The following SUSD1 variants were observed in gnomAD, a reference collection of about 807,000 sequenced individuals.
SUSD1 encodes the protein sushi domain containing 1, also known as sushi domain-containing protein 1.
In SUSD1, 65 loss-of-function variants were observed where a neutral mutation model predicts 86.9. The observed-to-expected ratio is 0.75, with a 90% CI of 0.61 to 0.92. SUSD1 has a LOEUF of 0.92. Ranked by LOEUF, SUSD1 falls within the 40% of genes least tolerant of loss-of-function variation. The probability of loss-of-function intolerance (pLI) is 0.00; values close to 1 mark genes in which losing one functional copy is unlikely to be tolerated. For missense variants in SUSD1, 850 were observed against 929.7 expected (o/e 0.91, Z 1.11); for synonymous variants, 346 against 350.0 (o/e 0.99, Z 0.13).
chr9:112,157,455 T>A (rs770707504), intron 2 of SUSD1, 45 bp downstream of exon 2: 1 of 1,361,776 alleles, frequency 7.3e-7, no homozygotes, highest in Admixed American at 1.8e-5. Context: ...GAGAATCTTG[T>A]TTCTCGATTC....
At chr9:112,041,755 C>T in intron 16 of SUSD1, 112 bp downstream of exon 16, 1 of 1,056,568 alleles carries the variant, frequency 9.5e-7, no homozygotes, top group African/African-American at 1.6e-5. Flanking sequence ...GAGCCAAGGA[C>T]AACCTCCACC....
At chr9:112,107,096 CTT>C (rs1830875777) in intron 8 of SUSD1, among the ~76,000 whole-genome samples, 1 of 151,528 alleles carries the variant, frequency 6.6e-6, no homozygotes, top group Non-Finnish European at 1.5e-5. Flanking sequence ...GAGACCTTGT[CTT>C]TACAAAATGA....
chr9:112,147,245 G>A (rs1020634389), intron 3 of SUSD1, among the ~76,000 whole-genome samples: 2 of 152,194 alleles, frequency 1.3e-5, no homozygotes, highest in Non-Finnish European at 2.9e-5. Flanking sequence ...GGTGGCTCAC[G>A]TCTGTAATCC....
intron 4 of SUSD1, 152 bp downstream of exon 4, chr9:112,143,319 T>G: frequency 2.8e-6 from 2 of 717,420 alleles, no homozygotes; most frequent in Non-Finnish European, 4.3e-6. Flanking sequence ...TGTAACTTGA[T>G]TGTTGTTATT....
intron 5 of SUSD1, among the ~76,000 whole-genome samples, chr9:112,138,546 C>T (rs1832419499): frequency 2.0e-5 from 3 of 150,938 alleles, no homozygotes; most frequent in Non-Finnish European, 4.4e-5. Flanking sequence ...GCAACCTCCA[C>T]CTCCCAATTC....
At chr9:112,163,446 C>T (rs560685237) in intron 1 of SUSD1, among the ~76,000 whole-genome samples, 9 of 150,492 alleles carry the variant, frequency 6.0e-5, no homozygotes, top group Non-Finnish European at 1.3e-4. Flanking sequence ...GCCTGATCAA[C>T]ATAGCAAGAC....
intron 6 of SUSD1, among the ~76,000 whole-genome samples, chr9:112,114,904 C>T (rs571681632): frequency 8.5e-5 from 13 of 152,214 alleles, no homozygotes; most frequent in Non-Finnish European, 1.9e-4. Flanking sequence ...TGTGGTAATG[C>T]CCACCCTCTG....
At chr9:112,126,905 G>C (rs1323223880) in intron 5 of SUSD1, among the ~76,000 whole-genome samples, 2 of 152,110 alleles carry the variant, frequency 1.3e-5, no homozygotes, top group Non-Finnish European at 2.9e-5. Flanking sequence ...AGGATCCTAA[G>C]TATAAAGCAT....
At chr9:112,138,463 C>CTTT (rs1320715477) in intron 5 of SUSD1, among the ~76,000 whole-genome samples, 1 of 139,246 alleles carries the variant, frequency 7.2e-6, no homozygotes, top group African/African-American at 2.6e-5. Flanking sequence ...AATAAATATT[C>CTTT]TTTTTTTTTT....
chr9:112,052,394 T>C lies in SUSD1; in HGVS notation c.2149+5A>G. The C allele has an allele frequency of 6.2e-7, 1 of 1,613,944 alleles. No homozygotes were observed. The highest frequency in any genetic ancestry group is 8.5e-7 in the Non-Finnish European group (1 of 1,179,982). On this transcript the variant is annotated splice_donor_5th_base_variant and intron_variant, in intron 15 of 16. Coordinates refer to ENST00000374270, the MANE Select transcript of SUSD1 (RefSeq NM_022486.5). ...ACAGCATTCATAGGCAGAAAATAAT[T>C]TTACCTTTCACCTGAGCCCAAACTG...
chr9:112,141,717 A>C (rs1832573583), intron 5 of SUSD1, among the ~76,000 whole-genome samples: 1 of 144,334 alleles, frequency 6.9e-6, no homozygotes, highest in East Asian at 1.9e-4. Context: ...AATATATTAC[A>C]TGTAATGTAT....
At chr9:112,125,934 A>G (rs1831755456) in intron 5 of SUSD1, among the ~76,000 whole-genome samples, 1 of 152,050 alleles carries the variant, frequency 6.6e-6, no homozygotes, top group Non-Finnish European at 1.5e-5. Flanking sequence ...CTAATTTCCA[A>G]CCCTGTCTAT....
chr9:112,130,705 A>G (rs1002269002), intron 5 of SUSD1, among the ~76,000 whole-genome samples: 1 of 152,042 alleles, frequency 6.6e-6, no homozygotes, highest in Admixed American at 6.6e-5. Flanking sequence ...CCAGATATAC[A>G]CTACCTTATT....
At chr9:112,080,526 A>G (rs185600080) in intron 10 of SUSD1, among the ~76,000 whole-genome samples, 1 of 152,132 alleles carries the variant, frequency 6.6e-6, no homozygotes, top group Admixed American at 6.5e-5. Context: ...CATCTCTACT[A>G]AAAATACAAA....
chr9:112,070,974 G>A (rs1365521562), intron 12 of SUSD1, among the ~76,000 whole-genome samples: 1 of 151,988 alleles, frequency 6.6e-6, no homozygotes, highest in Non-Finnish European at 1.5e-5. Context: ...AAGTGGTTTT[G>A]TTTTGGTTTT....
At chr9:112,100,857 G>GACACACACACAC (rs5899985) in intron 9 of SUSD1, among the ~76,000 whole-genome samples, 13,677 of 140,294 alleles carry the variant, frequency 0.097, 789 homozygotes, top group African/African-American at 0.14. Flanking sequence ...ATTGTACCTG[G>GACACACACACAC]ACACACACAC....
intron 14 of SUSD1, among the ~76,000 whole-genome samples, chr9:112,054,586 CA>C (rs879376406): frequency 1.5e-3 from 187 of 126,428 alleles, no homozygotes; most frequent in Non-Finnish European, 1.4e-3. Flanking sequence ...AACACTGTCT[CA>C]AAAAAAAAAA....
At chr9:112,105,659 C>T (rs1830807260) in intron 8 of SUSD1, among the ~76,000 whole-genome samples, 1 of 152,146 alleles carries the variant, frequency 6.6e-6, no homozygotes, top group Admixed American at 6.5e-5. Context: ...GCGAAGGTTG[C>T]AATGAGCCAA....
intron 10 of SUSD1, among the ~76,000 whole-genome samples, chr9:112,096,296 A>G (rs1163814073): frequency 5.3e-5 from 8 of 152,120 alleles, no homozygotes; most frequent in Non-Finnish European, 7.4e-5. Context: ...ACTGGTTTCC[A>G]TGACATTCCT....
Sources: gnomAD v4.1 joint callset for allele counts (sites outside exome capture counted in the v4.1 genomes callset) on GRCh38, gnomAD v4.1.1 for gene constraint, MANE v1.5 for transcripts, NCBI Gene and HGNC (gene_info 2026-07-23, HGNC 2026-07-21) for gene names.